Variants in FRMD6 observed in about 807,000 individuals in gnomAD.
FRMD6 encodes the protein FERM domain containing 6.
In FRMD6, 37 loss-of-function variants were observed where a neutral mutation model predicts 73.2. That is an observed-to-expected ratio of 0.51 (90% CI 0.39 to 0.66). FRMD6 has a LOEUF of 0.66. FRMD6 is among the 30% of genes least tolerant of loss of function. FRMD6 has a pLI of 0.00. For missense variants in FRMD6, 714 were observed against 780.5 expected (o/e 0.91, Z 1.02); for synonymous variants, 273 against 282.2 (o/e 0.97, Z 0.33).
intron 2 of FRMD6, among the ~76,000 whole-genome samples, chr14:51,612,501 G>C (rs1390014715): frequency 6.6e-6 from 1 of 152,184 alleles, no homozygotes; most frequent in Non-Finnish European, 1.5e-5. Flanking sequence ...CCGGCTACAT[G>C]ACCTTGGGCC....
chr14:51,400,030 G>A, the FRMD6 span, among the ~76,000 whole-genome samples: 11 of 151,706 alleles, frequency 7.3e-5, no homozygotes, highest in Admixed American at 2.0e-4. Context: ...ACAATGGAAT[G>A]TTTCAATACA....
chr14:51,690,113 C>T (rs148358658), intron 2 of FRMD6, among the ~76,000 whole-genome samples, 178 bp downstream of exon 2: 9 of 152,298 alleles, frequency 5.9e-5, no homozygotes, highest in African/African-American at 2.2e-4. Context: ...TTGTGTGCAG[C>T]TGCCTTCAAC....
chr14:51,549,457 G>C (rs1470065577), intron 1 of FRMD6, among the ~76,000 whole-genome samples: 1 of 152,024 alleles, frequency 6.6e-6, no homozygotes, highest in Non-Finnish European at 1.5e-5. Flanking sequence ...GTTTGTGGAA[G>C]GGTGTTATTC....
chr14:51,431,809 A>G, the FRMD6 span, among the ~76,000 whole-genome samples: 3 of 152,202 alleles, frequency 2.0e-5, no homozygotes, highest in Non-Finnish European at 4.4e-5. Context: ...TAACTAACAA[A>G]TAGAGGTCAT....
At chr14:51,701,366 T>C (rs1896299492) in intron 4 of FRMD6, among the ~76,000 whole-genome samples, 1 of 146,592 alleles carries the variant, frequency 6.8e-6, no homozygotes, top group African/African-American at 2.5e-5. Flanking sequence ...ATTTTCTATA[T>C]ATGCTGAGTA....
At chr14:51,496,952 A>G (rs1883328305) in intron 1 of FRMD6, among the ~76,000 whole-genome samples, 1 of 152,184 alleles carries the variant, frequency 6.6e-6, no homozygotes, top group South Asian at 2.1e-4. Context: ...CTTCCAACAT[A>G]GCATATCCTG....
intron 2 of FRMD6, among the ~76,000 whole-genome samples, chr14:51,626,341 C>G (rs1891115825): frequency 6.6e-6 from 1 of 151,946 alleles, no homozygotes; most frequent in African/African-American, 2.4e-5. Context: ...AATATTTGTT[C>G]AAGAAGCCAA....
intron 1 of FRMD6, among the ~76,000 whole-genome samples, chr14:51,528,643 G>A (rs370213275): frequency 7.9e-5 from 12 of 152,212 alleles, no homozygotes; most frequent in African/African-American, 2.9e-4. Context: ...GGGAAAGAGG[G>A]TAGGCTTGTG....
the FRMD6 span, among the ~76,000 whole-genome samples, chr14:51,428,739 A>G: frequency 1.3e-5 from 2 of 152,020 alleles, no homozygotes; most frequent in Non-Finnish European, 2.9e-5. Context: ...AGGAGGTGGG[A>G]TTTATTTCCA....
At chr14:51,529,470 C>G (rs1047417766) in intron 1 of FRMD6, among the ~76,000 whole-genome samples, 6 of 151,398 alleles carry the variant, frequency 4.0e-5, no homozygotes, top group Non-Finnish European at 7.4e-5. Context: ...TCATCATACA[C>G]AGAGAGAGAG....
At chr14:51,413,695 A>G in the FRMD6 span, among the ~76,000 whole-genome samples, 1 of 152,206 alleles carries the variant, frequency 6.6e-6, no homozygotes, top group African/African-American at 2.4e-5. Context: ...TGCTGGGTCA[A>G]ATGGTATTTC....
intron 1 of FRMD6, among the ~76,000 whole-genome samples, chr14:51,517,913 G>C (rs1240816800): frequency 6.6e-6 from 1 of 152,148 alleles, no homozygotes; most frequent in Non-Finnish European, 1.5e-5. Flanking sequence ...ACTGTCTACA[G>C]CTGACAAGCC....
the FRMD6 span, among the ~76,000 whole-genome samples, chr14:51,433,915 C>A: frequency 6.6e-6 from 1 of 152,202 alleles, no homozygotes; most frequent in Non-Finnish European, 1.5e-5. Flanking sequence ...GCACCAAAGA[C>A]TACTGTATGC....
the FRMD6 span, among the ~76,000 whole-genome samples, chr14:51,441,223 C>G: frequency 6.6e-6 from 1 of 152,212 alleles, no homozygotes; most frequent in Non-Finnish European, 1.5e-5. Flanking sequence ...TATCAGGCAG[C>G]CTTGCCAAAT....
intron 2 of FRMD6, chr14:51,637,811 C>T (rs1485849796): frequency 6.6e-6 from 1 of 152,184 alleles, no homozygotes; most frequent in African/African-American, 2.4e-5. Context: ...GGTATCTTTA[C>T]CTTTTCATGA....
At chr14:51,646,883 C>T (rs984599853) in intron 2 of FRMD6, among the ~76,000 whole-genome samples, 1 of 151,930 alleles carries the variant, frequency 6.6e-6, no homozygotes, top group Non-Finnish European at 1.5e-5. Flanking sequence ...CTCCAAGACG[C>T]CAGTGTAATT....
intron 1 of FRMD6, among the ~76,000 whole-genome samples, chr14:51,539,685 C>T (rs754320578): frequency 3.8e-4 from 58 of 152,224 alleles, no homozygotes; most frequent in African/African-American, 1.3e-3. Context: ...TAGCCAGTAA[C>T]GTGGTTCCCC....
At chr14:51,508,650 CA>C (rs1404105015) in intron 1 of FRMD6, among the ~76,000 whole-genome samples, 1 of 152,198 alleles carries the variant, frequency 6.6e-6, no homozygotes, top group Non-Finnish European at 1.5e-5. Context: ...AGGAGAAAAA[CA>C]AGGCTGTAGC....
chr14:51,406,007 T>C, the FRMD6 span, among the ~76,000 whole-genome samples: 1 of 152,220 alleles, frequency 6.6e-6, no homozygotes, highest in Admixed American at 6.5e-5. Flanking sequence ...AGTAGATTTT[T>C]GTATATGGTG....
Sources: gnomAD v4.1 joint callset for allele counts (sites outside exome capture counted in the v4.1 genomes callset) on GRCh38, gnomAD v4.1.1 for gene constraint, MANE v1.5 for transcripts, NCBI Gene and HGNC (gene_info 2026-07-23, HGNC 2026-07-21) for gene names.